The following TLL2 variants were observed in gnomAD, a reference collection of about 807,000 sequenced individuals.
TLL2 encodes the protein tolloid like 2, also known as tolloid-like protein 2.
Under a neutral mutation model 123.0 loss-of-function variants are expected in TLL2, and 106 were observed. The ratio of observed to expected loss-of-function variants is 0.86; its 90% CI spans 0.74 to 1.01. The LOEUF is 1.01. Among genes scored for constraint, TLL2 ranks in the 50% least tolerant of loss-of-function variants. The pLI is 0.00. For synonymous variants in TLL2, 494 were observed against 516.8 expected, an observed-to-expected ratio of 0.96 and a Z score of 0.60; for missense variants, 1,332 against 1,336.7, an observed-to-expected ratio of 1.00 and a Z score of 0.06.
At position 96,477,157 on chromosome 10, in the gene TLL2, T is replaced by C. The variant is rs763646353; in HGVS notation, c.286+3192A>G. ...TATTCTAGGTAGACGCAAAGTACTA[T>C]TGGACCTCAGAGAAAAATGATCAGG... On this transcript the variant is annotated intron_variant, in intron 2 of 20. Transcript: ENST00000357947. Among the ~76,000 whole-genome samples, 10 of 151,158 alleles carry C rather than the reference T, an allele frequency of 6.6e-5. 1 individual carries two copies. Among genetic ancestry groups the C allele is most frequent in the Non-Finnish European group, 1.3e-4 (9 of 67,888 alleles).
At chr10:96,492,031 C>T (rs1847419067) in intron 1 of TLL2, among the ~76,000 whole-genome samples, 1 of 152,120 alleles carries the variant, frequency 6.6e-6, no homozygotes, top group South Asian at 2.1e-4. Flanking sequence ...CAAGGCTCAT[C>T]TCTGCAGCTC....
At chr10:96,393,010 A>T (rs192199025) in intron 13 of TLL2, among the ~76,000 whole-genome samples, 78 of 152,350 alleles carry the variant, frequency 5.1e-4, no homozygotes, top group African/African-American at 1.9e-3. Flanking sequence ...AGAATGTGGC[A>T]TGAGAATGAC....
intron 9 of TLL2, among the ~76,000 whole-genome samples, chr10:96,408,802 A>G (rs7918541): frequency 0.97 from 148,302 of 152,356 alleles, 72,212 homozygotes; most frequent in East Asian, 1. Flanking sequence ...ATAAGATGAC[A>G]GTCAAGCATT....
chr10:96,419,837 C>A (rs972713088), intron 7 of TLL2, among the ~76,000 whole-genome samples: 5 of 152,190 alleles, frequency 3.3e-5, no homozygotes, highest in Non-Finnish European at 7.3e-5. Context: ...GTTTTCTGAG[C>A]AAATGAATTC....
intron 3 of TLL2, among the ~76,000 whole-genome samples, chr10:96,438,963 T>C (rs1589422719): frequency 6.6e-6 from 1 of 151,962 alleles, no homozygotes; most frequent in South Asian, 2.1e-4. Flanking sequence ...TATAGACTGA[T>C]TTTCAAATGT....
chr10:96,470,995 G>GGAAGTCTTTTTTTTT (rs1847176004), intron 2 of TLL2, among the ~76,000 whole-genome samples: 1 of 152,054 alleles, frequency 6.6e-6, no homozygotes, highest in Non-Finnish European at 1.5e-5. Flanking sequence ...GGACAACTTG[G>GGAAGTCTTTTTTTTT]GAAGTCTTTT....
chr10:96,384,778 G>C lies in TLL2; in HGVS notation c.2014-11C>G. ...GTCGTACTTACAGACCTGCAAGGGA[G>C]CATGATGGGGAGCTTCCCAGAGTCC... On this transcript the variant is annotated splice_polypyrimidine_tract_variant and intron_variant, in intron 15 of 20. Transcript: ENST00000357947. 9.0e-6 allele frequency: 14 copies of C among 1,562,836 alleles called. No homozygotes were observed. The highest frequency in any genetic ancestry group is 1.2e-5 in the Non-Finnish European group (14 of 1,146,832).
At chr10:96,381,992 G>A (rs533339865) in intron 16 of TLL2, among the ~76,000 whole-genome samples, 6 of 152,222 alleles carry the variant, frequency 3.9e-5, no homozygotes, top group South Asian at 4.1e-4. Context: ...CTAATATGAC[G>A]TGACATGCAG....
chr10:96,499,655 T>C (rs1847512468), intron 1 of TLL2, among the ~76,000 whole-genome samples: 1 of 152,140 alleles, frequency 6.6e-6, no homozygotes, highest in South Asian at 2.1e-4. Context: ...TTAAAAATCC[T>C]CTCTCCAAAA....
At chr10:96,417,017 G>A (rs1846569387) in intron 7 of TLL2, among the ~76,000 whole-genome samples, 1 of 152,178 alleles carries the variant, frequency 6.6e-6, no homozygotes, top group Non-Finnish European at 1.5e-5. Flanking sequence ...CAAGGGGGAG[G>A]GGAGAAGAAC....
chr10:96,385,259 T>C (rs79948345), intron 15 of TLL2, among the ~76,000 whole-genome samples: 4,774 of 152,202 alleles, frequency 0.031, 219 homozygotes, highest in African/African-American at 0.088. Context: ...AGCTCAGCAG[T>C]GGTGGAGCTA....
At chr10:96,453,055 G>C (rs1846976181) in intron 2 of TLL2, among the ~76,000 whole-genome samples, 2 of 152,114 alleles carry the variant, frequency 1.3e-5, no homozygotes, top group Non-Finnish European at 1.5e-5. Flanking sequence ...TTTAATATTG[G>C]CAAGTGTATA....
At chr10:96,400,730 C>G (rs1378614870) in intron 10 of TLL2, among the ~76,000 whole-genome samples, 1 of 152,176 alleles carries the variant, frequency 6.6e-6, no homozygotes, top group Non-Finnish European at 1.5e-5. Flanking sequence ...TGTGGTGATA[C>G]AGAATGCCCA....
intron 13 of TLL2, among the ~76,000 whole-genome samples, chr10:96,391,844 G>T (rs1365400062): frequency 2.0e-5 from 3 of 152,198 alleles, no homozygotes; most frequent in Non-Finnish European, 4.4e-5. Context: ...CCATAAAAAA[G>T]TCAAGCTGGG....
chr10:96,486,809 G>A (rs993003997), intron 1 of TLL2, among the ~76,000 whole-genome samples: 2 of 152,264 alleles, frequency 1.3e-5, no homozygotes, highest in Non-Finnish European at 1.5e-5. Flanking sequence ...GGGCAGAGCA[G>A]CGGGGGCCGC....
At chr10:96,513,025 G>A (rs1354325325) in intron 1 of TLL2, among the ~76,000 whole-genome samples, 3 of 152,240 alleles carry the variant, frequency 2.0e-5, no homozygotes, top group Non-Finnish European at 4.4e-5. Context: ...CCGCTGTGAC[G>A]CTTTTCTTTT....
intron 20 of TLL2, among the ~76,000 whole-genome samples, 180 bp from the exon 21 acceptor site, chr10:96,368,402 C>A (rs1301075128): frequency 6.6e-6 from 1 of 152,200 alleles, no homozygotes; most frequent in Non-Finnish European, 1.5e-5. Flanking sequence ...CTCCAGGGAG[C>A]TTTGCAGGCC....
chr10:96,496,249 C>A (rs1271308963), intron 1 of TLL2, among the ~76,000 whole-genome samples: 1 of 152,208 alleles, frequency 6.6e-6, no homozygotes, highest in Non-Finnish European at 1.5e-5. Context: ...TCCATCTCAA[C>A]ACAGTGTTAC....
chr10:96,455,169 C>G (rs1459056450), intron 2 of TLL2, among the ~76,000 whole-genome samples: 1 of 152,016 alleles, frequency 6.6e-6, no homozygotes, highest in Admixed American at 6.6e-5. Context: ...GCAGAGCTTG[C>G]AGTGAGCCAT....
Sources: gnomAD v4.1 joint callset for allele counts (sites outside exome capture counted in the v4.1 genomes callset) on GRCh38, gnomAD v4.1.1 for gene constraint, MANE v1.5 for transcripts, NCBI Gene and HGNC (gene_info 2026-07-23, HGNC 2026-07-21) for gene names.